ZFHX3: variants seen among roughly 807,000 people sequenced by gnomAD.
ZFHX3 encodes zinc finger homeobox 3, also known as zinc finger homeobox protein 3.
A neutral mutation model predicts 279.1 loss-of-function variants in ZFHX3; 42 were observed. The ratio of observed to expected loss-of-function variants is 0.15; its 90% CI spans 0.12 to 0.19. The LOEUF (loss-of-function observed/expected upper bound fraction) is 0.19. ZFHX3 is among the 10% of genes least tolerant of loss of function. The probability of loss-of-function intolerance (pLI) is 1.00; values close to 1 mark genes in which losing one functional copy is unlikely to be tolerated. For synonymous variants in ZFHX3, 2,293 were observed against 1,957.8 expected, an observed-to-expected ratio of 1.17 and a Z score of -4.52; for missense variants, 4,981 against 4,754.0, an observed-to-expected ratio of 1.05 and a Z score of -1.40.
intron 2 of ZFHX3, among the ~76,000 whole-genome samples, chr16:73,645,769 T>C (rs1314485182): frequency 6.6e-6 from 1 of 152,216 alleles, no homozygotes; most frequent in African/African-American, 2.4e-5. Context: ...ATTTCCTGGC[T>C]TGTAAAAATA....
chr16:72,935,201 G>T (rs78025462), intron 3 of ZFHX3, among the ~76,000 whole-genome samples: 5,966 of 152,256 alleles, frequency 0.039, 279 homozygotes, highest in African/African-American at 0.099. Context: ...GCTCAAGGAC[G>T]TGTGGCTTGT....
chr16:73,646,401 T>C (rs918998658), intron 2 of ZFHX3, among the ~76,000 whole-genome samples: 6 of 151,952 alleles, frequency 3.9e-5, no homozygotes, highest in African/African-American at 1.5e-4. Flanking sequence ...TTGTATTTCA[T>C]AGAAAATAAG....
intron 2 of ZFHX3, among the ~76,000 whole-genome samples, chr16:73,517,870 A>G (rs2019549828): frequency 6.6e-6 from 1 of 152,240 alleles, no homozygotes; most frequent in Non-Finnish European, 1.5e-5. Flanking sequence ...CAACCTGCAT[A>G]TATAATTTTA....
intron 4 of ZFHX3, among the ~76,000 whole-genome samples, chr16:73,301,758 C>CT (rs559715399): frequency 0.018 from 2,585 of 140,002 alleles, 28 homozygotes; most frequent in African/African-American, 0.032. Flanking sequence ...TTGATTCCAG[C>CT]TTTTTTTTTT....
chr16:73,266,244 A>T (rs963971755), intron 4 of ZFHX3, among the ~76,000 whole-genome samples: 3 of 152,240 alleles, frequency 2.0e-5, no homozygotes, highest in Non-Finnish European at 4.4e-5. Context: ...GTATTTTTAT[A>T]AACCTATCAT....
chr16:73,210,300 T>C (rs2011966323), intron 5 of ZFHX3, among the ~76,000 whole-genome samples: 1 of 152,142 alleles, frequency 6.6e-6, no homozygotes, highest in Admixed American at 6.6e-5. Context: ...TGCCTCCCCA[T>C]ACAAACGGCA....
At chr16:73,561,080 C>T (rs949335926) in intron 2 of ZFHX3, among the ~76,000 whole-genome samples, 1 of 152,174 alleles carries the variant, frequency 6.6e-6, no homozygotes, top group African/African-American at 2.4e-5. Flanking sequence ...CAAGCTTCTA[C>T]TGAAAAGAAA....
intron 2 of ZFHX3, among the ~76,000 whole-genome samples, chr16:73,551,239 T>C (rs2020199270): frequency 6.6e-6 from 1 of 152,066 alleles, no homozygotes; most frequent in Non-Finnish European, 1.5e-5. Flanking sequence ...GAAGGGAAAA[T>C]GCGAGGGGGT....
chr16:73,812,154 T>C (rs897286315), intron 1 of ZFHX3, among the ~76,000 whole-genome samples: 2 of 152,072 alleles, frequency 1.3e-5, no homozygotes, highest in South Asian at 2.1e-4. Flanking sequence ...ACCAGGGCAG[T>C]GGAGACATGT....
At chr16:73,286,174 C>G (rs1022726636) in intron 4 of ZFHX3, among the ~76,000 whole-genome samples, 1 of 152,050 alleles carries the variant, frequency 6.6e-6, no homozygotes, top group Non-Finnish European at 1.5e-5. Context: ...GTCTCTCTCT[C>G]TCACACACAC....
intron 5 of ZFHX3, among the ~76,000 whole-genome samples, chr16:73,188,925 GT>G (rs1192696694): frequency 4.0e-5 from 6 of 150,274 alleles, no homozygotes; most frequent in African/African-American, 1.2e-4. Context: ...GTGCAGTGGC[GT>G]GGTCTTGGCT....
At chr16:73,289,339 G>C (rs370015160) in intron 4 of ZFHX3, among the ~76,000 whole-genome samples, 1 of 151,964 alleles carries the variant, frequency 6.6e-6, no homozygotes, top group East Asian at 2.0e-4. Flanking sequence ...GGCAGGGTGG[G>C]GGGAGGTAGG....
Position 72,841,625 on chromosome 16 carries a change from G to T in ZFHX3, c.3449-11766C>A, listed in dbSNP as rs1597298529. On this transcript the variant is annotated intron_variant, in intron 4 of 9. Transcript: ENST00000268489. ...GCCACCCCCACATCCCTTTCACAAT[G>T]ATTTTAGCTACAGCAGCGCTCCTCA... 2.0e-5 allele frequency among the ~76,000 whole-genome samples: 3 copies of T among 152,132 alleles called. No individual in the cohort carries two copies. The East Asian group carries it at 5.8e-4, about 29-fold the overall frequency.
intron 5 of ZFHX3, among the ~76,000 whole-genome samples, chr16:73,204,715 G>A (rs2011734897): frequency 6.6e-6 from 1 of 152,250 alleles, no homozygotes; most frequent in East Asian, 1.9e-4. Context: ...ACCTTGCAAG[G>A]ATATAGTGCA....
intron 3 of ZFHX3, among the ~76,000 whole-genome samples, chr16:73,395,832 C>T (rs2017116538): frequency 6.6e-6 from 1 of 151,316 alleles, no homozygotes; most frequent in Non-Finnish European, 1.5e-5. Flanking sequence ...CACGAATAGA[C>T]CCTAATTACT....
chr16:73,216,379 A>G (rs926003454), intron 5 of ZFHX3, among the ~76,000 whole-genome samples: 23 of 152,028 alleles, frequency 1.5e-4, no homozygotes, highest in Admixed American at 2.0e-4. Flanking sequence ...TCCTTCCCCA[A>G]CTGAATTGGT....
intron 1 of ZFHX3, chr16:73,815,599 C>A (rs982099546): frequency 1.3e-5 from 2 of 151,262 alleles, no homozygotes; most frequent in African/African-American, 4.9e-5. Flanking sequence ...GTCACTCTGT[C>A]CACCCAGGCT....
intron 3 of ZFHX3, among the ~76,000 whole-genome samples, chr16:73,439,922 A>C (rs1567484691): frequency 8.0e-4 from 117 of 145,944 alleles, no homozygotes; most frequent in Admixed American, 2.6e-3. Context: ...AAAAAAAAAA[A>C]AAAAAAAAAA....
intron 3 of ZFHX3, among the ~76,000 whole-genome samples, chr16:73,398,485 GA>G (rs1490694586): frequency 6.6e-6 from 1 of 152,200 alleles, no homozygotes; most frequent in Non-Finnish European, 1.5e-5. Context: ...ACTGGCTCAT[GA>G]TAGCTGTTTG....
Sources: allele counts gnomAD v4.1 joint callset (sites outside exome capture counted in the v4.1 genomes callset), GRCh38; gene constraint gnomAD v4.1.1; transcripts MANE v1.5; gene names NCBI Gene and HGNC (gene_info 2026-07-23, HGNC 2026-07-21).